SLC22A3: variants seen among roughly 807,000 people sequenced by gnomAD.
SLC22A3 encodes solute carrier family 22 member 3, also known as EMT organic cation transporter 3.
SLC22A3 carries 51 observed loss-of-function variants against 59.1 expected under a neutral mutation model. The observed-to-expected ratio is 0.86, with a 90% CI of 0.69 to 1.09. SLC22A3 has a LOEUF of 1.09. Ranked by LOEUF, SLC22A3 falls within the 50% of genes least tolerant of loss-of-function variation. SLC22A3 has a pLI of 0.00. For missense variants in SLC22A3, 711 were observed against 726.3 expected (o/e 0.98, Z 0.24); for synonymous variants, 325 against 292.0 (o/e 1.11, Z -1.15).
chr6:160,363,089 C>G (rs1282655032), intron 1 of SLC22A3, among the ~76,000 whole-genome samples: 2 of 152,238 alleles, frequency 1.3e-5, no homozygotes, highest in Non-Finnish European at 2.9e-5. Context: ...CGCCCCAATG[C>G]GCACAGTGTT....
chr6:160,405,696 T>C (rs1786985869), intron 2 of SLC22A3, among the ~76,000 whole-genome samples: 1 of 152,100 alleles, frequency 6.6e-6, no homozygotes, highest in Admixed American at 6.6e-5. Flanking sequence ...CATAGGTGAA[T>C]GGACAAACTG....
intron 5 of SLC22A3, among the ~76,000 whole-genome samples, chr6:160,423,615 G>A (rs1313244609): frequency 6.6e-6 from 1 of 152,170 alleles, no homozygotes; most frequent in African/African-American, 2.4e-5. Flanking sequence ...TCTGTTGGCT[G>A]CATAAATGTC....
intron 1 of SLC22A3, among the ~76,000 whole-genome samples, chr6:160,390,422 G>A (rs1437919467): frequency 6.6e-6 from 1 of 152,146 alleles, no homozygotes; most frequent in Non-Finnish European, 1.5e-5. Flanking sequence ...AACAGCCATG[G>A]AGGGGGTTGG....
intron 5 of SLC22A3, among the ~76,000 whole-genome samples, chr6:160,417,885 AG>A (rs1787565172): frequency 6.6e-6 from 1 of 152,198 alleles, no homozygotes; most frequent in Non-Finnish European, 1.5e-5. Context: ...TTCAGAATGG[AG>A]TTGACCTAGC....
intron 5 of SLC22A3, among the ~76,000 whole-genome samples, chr6:160,430,123 A>G (rs1562498223): frequency 1.3e-5 from 2 of 152,064 alleles, no homozygotes. Flanking sequence ...ATATGTACAC[A>G]TATCTATGTA....
intron 1 of SLC22A3, among the ~76,000 whole-genome samples, chr6:160,388,233 T>C (rs997708374): frequency 6.6e-6 from 1 of 152,234 alleles, no homozygotes; most frequent in Non-Finnish European, 1.5e-5. Context: ...ACAATGCCCA[T>C]GCCTGCAGTC....
At chr6:160,379,154 C>T (rs1785705321) in intron 1 of SLC22A3, among the ~76,000 whole-genome samples, 1 of 152,130 alleles carries the variant, frequency 6.6e-6, no homozygotes, top group Non-Finnish European at 1.5e-5. Flanking sequence ...CACATCAAGG[C>T]AAGGAGGGAG....
chr6:160,407,683 G>T (rs1258350148), intron 3 of SLC22A3, among the ~76,000 whole-genome samples: 1 of 152,114 alleles, frequency 6.6e-6, no homozygotes, highest in Non-Finnish European at 1.5e-5. Flanking sequence ...GTTCATTTGT[G>T]ACCCTTGGAT....
chr6:160,429,164 C>T (rs796726522), intron 5 of SLC22A3, among the ~76,000 whole-genome samples: 20 of 152,328 alleles, frequency 1.3e-4, no homozygotes, highest in African/African-American at 4.3e-4. Context: ...TTCCCCCAAT[C>T]GGTGAGCCCA....
At chr6:160,366,109 C>A (rs753183747) in intron 1 of SLC22A3, among the ~76,000 whole-genome samples, 1 of 152,122 alleles carries the variant, frequency 6.6e-6, no homozygotes, top group Non-Finnish European at 1.5e-5. Flanking sequence ...CCTGTCCCCT[C>A]CCAAATCTCA....
At chr6:160,411,609 G>A (rs1049601145) in intron 5 of SLC22A3, among the ~76,000 whole-genome samples, 2 of 152,108 alleles carry the variant, frequency 1.3e-5, no homozygotes. Context: ...GGGCATGGTG[G>A]CACGCACCTG....
intron 1 of SLC22A3, among the ~76,000 whole-genome samples, chr6:160,393,762 G>A (rs1786360077): frequency 6.6e-6 from 1 of 152,072 alleles, no homozygotes. Flanking sequence ...CTTGTTTTAA[G>A]GATAATTTAG....
intron 1 of SLC22A3, among the ~76,000 whole-genome samples, chr6:160,377,346 G>A (rs540201704): frequency 9.9e-5 from 15 of 152,156 alleles, no homozygotes; most frequent in African/African-American, 3.6e-4. Flanking sequence ...TTAGCTGGGT[G>A]TGGTGATATG....
intron 1 of SLC22A3, among the ~76,000 whole-genome samples, chr6:160,349,268 C>T (rs1284442312): frequency 6.6e-6 from 1 of 152,108 alleles, no homozygotes; most frequent in Non-Finnish European, 1.5e-5. Context: ...GTTGGCAGTT[C>T]CGGATTCGCT....
intron 2 of SLC22A3, among the ~76,000 whole-genome samples, chr6:160,405,313 G>A (rs529229798): frequency 1.9e-3 from 291 of 152,088 alleles, no homozygotes; most frequent in Non-Finnish European, 2.9e-3. Flanking sequence ...GATGCTCTAC[G>A]TCATATATCA....
intron 5 of SLC22A3, among the ~76,000 whole-genome samples, chr6:160,413,575 A>G (rs1268034025): frequency 1.3e-5 from 2 of 152,142 alleles, no homozygotes; most frequent in Non-Finnish European, 2.9e-5. Flanking sequence ...TAAAGTAGGA[A>G]CACATAGGTA....
Position 160,374,699 on chromosome 6 carries a change from C to T in SLC22A3, c.430-23280C>T, listed in dbSNP as rs191455948. Among the ~76,000 whole-genome samples, 113 of 152,258 alleles carry T rather than the reference C, an allele frequency of 7.4e-4. 1 individual carries two copies. Among genetic ancestry groups the T allele is most frequent in the African/African-American group, 2.4e-3 (101 of 41,560 alleles). On this transcript the variant is annotated intron_variant, in intron 1 of 10. Transcript: ENST00000275300. ...GCATTTCCCTTGACTCCCACCTCCT[C>T]AGCACCACAGGGCTCATCTCTGGGG...
At chr6:160,403,224 G>A (rs549721308) in intron 2 of SLC22A3, among the ~76,000 whole-genome samples, 5 of 151,552 alleles carry the variant, frequency 3.3e-5, no homozygotes, top group African/African-American at 9.7e-5. Context: ...ACATTTTGAC[G>A]GATCCCATGG....
chr6:160,419,970 A>G, intron 5 of SLC22A3, among the ~76,000 whole-genome samples: 1 of 152,210 alleles, frequency 6.6e-6, no homozygotes, highest in African/African-American at 2.4e-5. Context: ...TTTGAAAACA[A>G]GACTATATCG....
Sources: allele counts gnomAD v4.1 joint callset (sites outside exome capture counted in the v4.1 genomes callset), GRCh38; gene constraint gnomAD v4.1.1; transcripts MANE v1.5; gene names NCBI Gene and HGNC (gene_info 2026-07-23, HGNC 2026-07-21).